CD55: variants seen among roughly 807,000 people sequenced by gnomAD.
CD55 encodes CD55 molecule (Cromer blood group).
A neutral mutation model predicts 45.8 loss-of-function variants in CD55; 41 were observed. That is an observed-to-expected ratio of 0.90 (90% CI 0.70 to 1.16). The LOEUF is 1.16. Among genes scored for constraint, CD55 ranks in the 50% most tolerant of loss-of-function variants. The pLI, the probability that CD55 is intolerant of heterozygous loss-of-function variation, is 0.00. For missense variants in CD55, 416 were observed against 469.8 expected, an observed-to-expected ratio of 0.89 and a Z score of 1.06; for synonymous variants, 181 against 181.1, an observed-to-expected ratio of 1.00 and a Z score of 0.01.
chr1:207,337,077 C>T, intron 7 of CD55: 1 of 606,840 alleles, frequency 1.6e-6, no homozygotes, highest in Non-Finnish European at 2.9e-6. Flanking sequence ...GATTCAGCCA[C>T]CAAATCCCCA....
Position 207,324,681 on chromosome 1 carries a change from C to A in CD55, c.409C>A (p.Pro137Thr). 6.2e-7 allele frequency: 1 copy of A among 1,613,182 alleles called. No homozygotes were observed. Among genetic ancestry groups the A allele is most frequent in the South Asian group, 1.1e-5 (1 of 90,892 alleles). ...YECRPGYRREPSLSPKLTCLQ... is the reference protein window; with the variant it reads ...YECRPGYRRETSLSPKLTCLQ... The stretch of plus-strand genomic sequence containing the variant: ...GTGCCGTCCAGGTTACAGAAGAGAA[C>A]CTTCTCTATCACCAAAACTAACTTG... Residue 137 changes from proline to threonine, a missense_variant, in exon 3 of 10, where the codon CCT (proline) becomes ACT (threonine). Pro to Thr is a conservative substitution (Grantham distance 38). Transcript: ENST00000367064.
At chr1:207,350,995 A>G (rs1655846914) in intron 9 of CD55, among the ~76,000 whole-genome samples, 1 of 152,160 alleles carries the variant, frequency 6.6e-6, no homozygotes, top group Admixed American at 6.5e-5. Flanking sequence ...TAATGCTACA[A>G]ACTTTCCTCT....
intron 9 of CD55, among the ~76,000 whole-genome samples, chr1:207,343,050 C>A (rs1489584426): frequency 6.6e-6 from 1 of 151,852 alleles, no homozygotes; most frequent in Non-Finnish European, 1.5e-5. Flanking sequence ...TCTCTTTTTT[C>A]ATTTCTGATT....
At chr1:207,322,078 C>A (rs1217855173) in intron 1 of CD55, among the ~76,000 whole-genome samples, 1 of 152,126 alleles carries the variant, frequency 6.6e-6, no homozygotes, top group African/African-American at 2.4e-5. Context: ...CTTTAGGGGT[C>A]GGCGTGGAGG....
At chr1:207,339,364 G>A (rs1404042101) in intron 8 of CD55, 33 bp from the exon 9 acceptor site, 51 of 1,583,812 alleles carry the variant, frequency 3.2e-5, no homozygotes, top group Non-Finnish European at 4.1e-5. Context: ...ACAAATTTTT[G>A]TTGTTAATCC....
chr1:207,329,690 C>T (rs1572875694), intron 5 of CD55, among the ~76,000 whole-genome samples: 1 of 152,022 alleles, frequency 6.6e-6, no homozygotes, highest in Admixed American at 6.5e-5. Flanking sequence ...CAGCTCACTG[C>T]AGCCTCAACC....
intron 9 of CD55, among the ~76,000 whole-genome samples, chr1:207,349,478 C>T (rs899913319): frequency 2.0e-5 from 3 of 151,564 alleles, no homozygotes; most frequent in South Asian, 2.1e-4. Flanking sequence ...CCACCATGCC[C>T]GCAGTATGGC....
intron 9 of CD55, among the ~76,000 whole-genome samples, chr1:207,349,027 C>T (rs571261184): frequency 6.6e-5 from 10 of 152,070 alleles, no homozygotes; most frequent in East Asian, 1.9e-4. Context: ...TTTTTACTTA[C>T]GGTTGTTTTG....
chr1:207,346,824 C>G (rs1368642371), intron 9 of CD55, among the ~76,000 whole-genome samples: 1 of 152,162 alleles, frequency 6.6e-6, no homozygotes, highest in Non-Finnish European at 1.5e-5. Context: ...AACTTACTCT[C>G]TGGAGTAATG....
Position 207,337,360 on chromosome 1 carries a change from C to T in CD55, c.1011C>T (p.Thr337=). 1 of 1,611,666 alleles carries T rather than the reference C, an allele frequency of 6.2e-7. No individual in the cohort carries two copies. The highest frequency in any genetic ancestry group is 8.5e-7 in the Non-Finnish European group (1 of 1,177,848). ...GGAGTACACCTGTTTCCAGGACAAC[C>T]AAGCATTTTCATGAAACAACCCCAA... ...ATRSTPVSRT[T]KHFHETTPNK... Residue 337 remains threonine, a synonymous_variant, in exon 8 of 10, where the codon ACC becomes ACT. Transcript: ENST00000367064.
intron 2 of CD55, among the ~76,000 whole-genome samples, chr1:207,323,171 GGA>G (rs1323020478): frequency 2.0e-5 from 3 of 150,004 alleles, no homozygotes; most frequent in Non-Finnish European, 4.4e-5. Flanking sequence ...ATATATATAG[GGA>G]GAGAGATATA....
chr1:207,353,335 A>G (rs184607313), intron 9 of CD55, among the ~76,000 whole-genome samples: 1 of 152,262 alleles, frequency 6.6e-6, no homozygotes, highest in East Asian at 1.9e-4. Flanking sequence ...GGACTAATAG[A>G]TCAATTTAAA....
intron 9 of CD55, among the ~76,000 whole-genome samples, chr1:207,353,040 G>GTT (rs386369456): frequency 0.15 from 7,278 of 47,612 alleles, 678 homozygotes; most frequent in East Asian, 0.44. Flanking sequence ...CTATTACCAG[G>GTT]TTTTTTTTTT....
rs1424932158 is a variant in CD55, at chr1:207,336,796, AACC to A, written c.963_965del (p.Thr322del). Reference sequence around the variant, plus strand: ...CAACTTCTCAGAAAACCACCACAAAAACCACCACACCAAATGCTCAAGGTACAG... The same window carrying A: ...CAACTTCTCAGAAAACCACCACAAAAACCACACCAAATGCTCAAGGTACAG... On this transcript the variant is annotated inframe_deletion, in exon 7 of 10. Transcript: ENST00000367064. The A allele has an allele frequency of 6.2e-7, 1 of 1,613,870 alleles. No homozygotes were observed. Among genetic ancestry groups the A allele is most frequent in the East Asian group, 2.2e-5 (1 of 44,878 alleles).
chr1:207,348,974 A>G (rs987841622), intron 9 of CD55, among the ~76,000 whole-genome samples: 6 of 151,974 alleles, frequency 3.9e-5, no homozygotes, highest in Admixed American at 1.3e-4. Context: ...TAGCCTTGTA[A>G]TATAGTTTGA....
intron 5 of CD55, among the ~76,000 whole-genome samples, chr1:207,329,765 C>T (rs1654856958): frequency 6.6e-6 from 1 of 152,076 alleles, no homozygotes; most frequent in Non-Finnish European, 1.5e-5. Context: ...GTGCACACCA[C>T]CATGCCCAGC....
chr1:207,325,732 G>A lies in CD55; in HGVS notation c.578+11G>A, dbSNP rs767688671. ...CTCATGTAACACAGGGTAAGTTTGG[G>A]CATACTAAAACCCTGTATTTAGGAA... On this transcript the variant is annotated intron_variant, in intron 4 of 9. Transcript: ENST00000367064. 1.9e-5 allele frequency: 29 copies of A among 1,514,446 alleles called. No homozygotes were observed. The highest frequency in any genetic ancestry group is 5.1e-5 in the Admixed American group (3 of 59,138). 93.8% of individuals were successfully genotyped at this position (1,514,446 alleles called of 1,614,324 possible).
intron 9 of CD55, chr1:207,340,421 G>C: frequency 3.5e-6 from 2 of 565,878 alleles, no homozygotes; most frequent in South Asian, 2.1e-5. Context: ...GCTGGTATGC[G>C]GTGGTGTGAT....
chr1:207,336,903 C>A (rs530220265), intron 7 of CD55, 85 bp downstream of exon 7: 9 of 1,483,752 alleles, frequency 6.1e-6, no homozygotes, highest in Non-Finnish European at 8.5e-6. Flanking sequence ...CAGAAACCCA[C>A]CACAGTAAAT....
Sources: allele counts gnomAD v4.1 joint callset (sites outside exome capture counted in the v4.1 genomes callset), GRCh38; gene constraint gnomAD v4.1.1; transcripts MANE v1.5; gene names NCBI Gene and HGNC (gene_info 2026-07-23, HGNC 2026-07-21).